DSTYK: variants seen among roughly 807,000 people sequenced by gnomAD.
The protein encoded by DSTYK is dual serine/threonine and tyrosine protein kinase.
DSTYK carries 34 observed loss-of-function variants against 98.7 expected under a neutral mutation model. The ratio of observed to expected loss-of-function variants is 0.34; its 90% CI spans 0.26 to 0.46. DSTYK has a LOEUF of 0.46. Among genes scored for constraint, DSTYK ranks in the 20% least tolerant of loss-of-function variants. The pLI is 1.00. For missense variants in DSTYK, 962 were observed against 1,181.7 expected (o/e 0.81, Z 2.73); for synonymous variants, 462 against 457.3 (o/e 1.01, Z -0.13).
intron 2 of DSTYK, among the ~76,000 whole-genome samples, chr1:205,183,056 G>A (rs1658461368): frequency 1.6e-5 from 2 of 122,860 alleles, no homozygotes; most frequent in Admixed American, 1.9e-4. Context: ...TTTTCTTATA[G>A]GTGTTCACAG....
chr1:205,147,709 T>C lies in DSTYK; in HGVS notation c.2639A>G (p.Glu880Gly). ...ACAGGCTTCCATCAACTGCCAGCAC[T>C]CCTCATCAAACACAGGAAGACGTTC... ...RPERLPVFDE[E>G]CWQLMEACWD... The change falls in exon 13 of 13, where the codon GAG becomes GGG. Residue 880 changes from glutamate (E) to glycine (G), a missense_variant. Glu to Gly is a moderately conservative substitution (Grantham distance 98, BLOSUM62 -2). Coordinates refer to ENST00000367162, the MANE Select transcript of DSTYK (RefSeq NM_015375.3). 2 of 1,613,722 alleles carry C rather than the reference T, an allele frequency of 1.2e-6. No homozygotes were observed. Among genetic ancestry groups the C allele is most frequent in the Non-Finnish European group, 1.7e-6 (2 of 1,179,920 alleles).
At chr1:205,162,819 T>A (rs1657771930) in intron 5 of DSTYK, 104 bp downstream of exon 5, 1 of 884,616 alleles carries the variant, frequency 1.1e-6, no homozygotes, top group Non-Finnish European at 1.9e-6. Context: ...ATGGTCACCC[T>A]GCCTTAACAG....
chr1:205,164,253 G>A (rs571812720), intron 3 of DSTYK, among the ~76,000 whole-genome samples: 15 of 152,200 alleles, frequency 9.9e-5, no homozygotes, highest in African/African-American at 3.6e-4. Flanking sequence ...AGGAGTTCAA[G>A]ATGAGCTTGG....
At chr1:205,154,341 C>A (rs1245456384) in intron 10 of DSTYK, among the ~76,000 whole-genome samples, 1 of 152,164 alleles carries the variant, frequency 6.6e-6, no homozygotes, top group Admixed American at 6.5e-5. Flanking sequence ...ATCCAAATTT[C>A]ATCTTGAATT....
chr1:205,176,408 G>A (rs780990583), intron 2 of DSTYK, among the ~76,000 whole-genome samples: 14 of 146,138 alleles, frequency 9.6e-5, no homozygotes, highest in Admixed American at 2.8e-4. Context: ...CCCAGGAGGC[G>A]GAGGTTGCGG....
In DSTYK at chr1:205,169,112, GGTT is replaced by G; in HGVS notation, c.1324+48_1324+50del. 7.0e-7 allele frequency: 1 copy of G among 1,435,412 alleles called. No homozygotes were observed. Among genetic ancestry groups the G allele is most frequent in the Non-Finnish European group, 9.5e-7 (1 of 1,056,168 alleles). 88.9% of individuals were successfully genotyped at this position (1,435,412 alleles called of 1,614,324 possible). A position where few individuals can be genotyped will look rare whatever the true frequency, so the allele number is the denominator to read the frequency against. Reference sequence around the variant, plus strand: ...CGTTCTTAATTTCCGGCTAGAAAATGGTTAGAGACTCCTCCCGTGCCAGCACCC... The same window carrying G: ...CGTTCTTAATTTCCGGCTAGAAAATGAGAGACTCCTCCCGTGCCAGCACCC... On this transcript the variant is annotated intron_variant, in intron 3 of 12. Transcript: ENST00000367162. The surrounding 1 kb of genome is among the most constrained non-coding windows in gnomAD (Gnocchi z 4.0).
chr1:205,196,376 G>A (rs573252356), intron 1 of DSTYK, among the ~76,000 whole-genome samples: 23 of 151,966 alleles, frequency 1.5e-4, no homozygotes, highest in Non-Finnish European at 2.8e-4. Flanking sequence ...GGGCAACATA[G>A]TGAGACTCCA....
chr1:205,201,857 C>T (rs1056831606), intron 1 of DSTYK, among the ~76,000 whole-genome samples: 1 of 152,056 alleles, frequency 6.6e-6, no homozygotes, highest in African/African-American at 2.4e-5. Flanking sequence ...GTCAGGAATT[C>T]GAGACCAGCC....
intron 9 of DSTYK, among the ~76,000 whole-genome samples, chr1:205,157,947 T>C (rs1364878691): frequency 6.6e-6 from 1 of 152,130 alleles, no homozygotes; most frequent in African/African-American, 2.4e-5. Flanking sequence ...CATGAGCTCA[T>C]TTCTAACACT....
intron 10 of DSTYK, among the ~76,000 whole-genome samples, chr1:205,151,743 C>T (rs1302752374): frequency 6.7e-6 from 1 of 149,624 alleles, no homozygotes; most frequent in Middle Eastern, 3.2e-3. Flanking sequence ...AACTAAAACA[C>T]AGACATATTA....
At chr1:205,163,631 G>T in intron 4 of DSTYK, 92 bp downstream of exon 4, 1 of 1,039,330 alleles carries the variant, frequency 9.6e-7, no homozygotes, top group Non-Finnish European at 1.4e-6. Flanking sequence ...GAAGCTGAAA[G>T]GGAAATTCTT....
At chr1:205,185,892 G>A (rs757622196) in intron 2 of DSTYK, among the ~76,000 whole-genome samples, 6 of 151,976 alleles carry the variant, frequency 3.9e-5, no homozygotes, top group African/African-American at 7.2e-5. Flanking sequence ...GTGTGGTGGC[G>A]GGTGCCTGTA....
Position 205,147,479 on chromosome 1 carries a change from T to C in DSTYK, c.*79A>G. The C allele has an allele frequency of 6.7e-7, 1 of 1,497,590 alleles. No homozygotes were observed. Among genetic ancestry groups the C allele is most frequent in the Non-Finnish European group, 9.1e-7 (1 of 1,098,302 alleles). 92.8% of individuals were successfully genotyped at this position (1,497,590 alleles called of 1,614,324 possible). The stretch of plus-strand genomic sequence containing the variant: ...CCTTGGGAGTGTGTCCTATAGTGAA[T>C]AAATGTCAAATTCTCCCCATGGCCA... On this transcript the variant is annotated 3_prime_UTR_variant, in exon 13 of 13. Coordinates refer to ENST00000367162, the MANE Select transcript of DSTYK (RefSeq NM_015375.3).
chr1:205,185,252 G>A (rs185985175), intron 2 of DSTYK, among the ~76,000 whole-genome samples: 2 of 152,212 alleles, frequency 1.3e-5, no homozygotes, highest in Admixed American at 6.5e-5. Context: ...AAGGGACTAA[G>A]AGAAAAAAGT....
intron 1 of DSTYK, among the ~76,000 whole-genome samples, chr1:205,199,926 T>C (rs563902945): frequency 1.3e-5 from 2 of 152,352 alleles, no homozygotes; most frequent in East Asian, 3.9e-4. Flanking sequence ...GTAATCTTCA[T>C]AAATGCATTC....
intron 1 of DSTYK, among the ~76,000 whole-genome samples, chr1:205,193,227 G>A (rs908014899): frequency 3.0e-4 from 45 of 152,222 alleles, no homozygotes; most frequent in African/African-American, 1.1e-3. Flanking sequence ...TTACTGTTTG[G>A]GTGACTACTC....
chr1:205,194,848 G>A (rs543690404), intron 1 of DSTYK, among the ~76,000 whole-genome samples: 128 of 149,024 alleles, frequency 8.6e-4, no homozygotes, highest in African/African-American at 2.6e-3. Context: ...GACTACAGGC[G>A]TGTGCCAAAA....
chr1:205,187,606 T>A lies in DSTYK; in HGVS notation c.466A>T (p.Thr156Ser). ...CTGACCCGAGTCTGAGTCCCATAGG[T>A]GAAGCGGAGGCGCCGAAGCTTACAG... ...ESCKLRRLRF[T>S]YGTQTRVSLA... The change falls in exon 2 of 13, where the codon ACC becomes TCC. Residue 156 changes from threonine (T) to serine (S), a missense_variant. This residue lies in a region of DSTYK where 660 missense variants were observed against 855.0 expected (regional missense o/e 0.77). Transcript: ENST00000367162. 6.2e-7 allele frequency: 1 copy of A among 1,614,080 alleles called. No homozygotes were observed. The highest frequency in any genetic ancestry group is 8.5e-7 in the Non-Finnish European group (1 of 1,180,012).
At chr1:205,165,972 A>C (rs1439420042) in intron 3 of DSTYK, among the ~76,000 whole-genome samples, 1 of 152,044 alleles carries the variant, frequency 6.6e-6, no homozygotes, top group African/African-American at 2.4e-5. Context: ...TAGTGAGACT[A>C]GACCAGGCCT....
Sources: gnomAD v4.1 joint callset for allele counts (sites outside exome capture counted in the v4.1 genomes callset) on GRCh38, gnomAD v4.1.1 for gene constraint, gnomAD v4.1.1 regional missense constraint, Gnocchi (gnomAD v3.1) non-coding constraint, MANE v1.5 for transcripts, NCBI Gene and HGNC (gene_info 2026-07-23, HGNC 2026-07-21) for gene names.